Variants in NALF1 observed in about 807,000 individuals in gnomAD.
NALF1 encodes NALCN channel auxiliary factor 1.
NALF1 carries 3 observed loss-of-function variants against 48.4 expected under a neutral mutation model. The observed-to-expected ratio is 0.06, with a 90% CI of 0.03 to 0.16. The LOEUF (loss-of-function observed/expected upper bound fraction) is 0.16, where lower values mean the gene tolerates loss of function less well. NALF1 is among the 10% of genes least tolerant of loss of function. The pLI, the probability that NALF1 is intolerant of heterozygous loss-of-function variation, is 1.00. For missense variants in NALF1, 526 were observed against 571.5 expected (o/e 0.92, Z 0.81); for synonymous variants, 262 against 245.7 (o/e 1.07, Z -0.62).
intron 1 of NALF1, among the ~76,000 whole-genome samples, chr13:107,716,528 G>T (rs1594225073): frequency 6.6e-6 from 1 of 152,172 alleles, no homozygotes; most frequent in South Asian, 2.1e-4. Flanking sequence ...AGACAAATTT[G>T]TTGGGCCACT....
At chr13:107,553,239 C>T (rs1414779739) in intron 1 of NALF1, among the ~76,000 whole-genome samples, 1 of 152,108 alleles carries the variant, frequency 6.6e-6, no homozygotes, top group African/African-American at 2.4e-5. Flanking sequence ...GTTTATAACA[C>T]GTAACAAATC....
intron 1 of NALF1, among the ~76,000 whole-genome samples, chr13:107,314,858 T>A (rs558350577): frequency 1.6e-4 from 24 of 152,224 alleles, no homozygotes; most frequent in African/African-American, 5.5e-4. Flanking sequence ...AACTGACGAG[T>A]GAAAGCTCAC....
intron 1 of NALF1, among the ~76,000 whole-genome samples, chr13:107,425,195 A>G (rs1884258868): frequency 6.6e-6 from 1 of 152,206 alleles, no homozygotes; most frequent in Non-Finnish European, 1.5e-5. Context: ...GTTTGGAGCT[A>G]TGGGTTGAAG....
intron 1 of NALF1, among the ~76,000 whole-genome samples, chr13:107,290,218 C>A (rs9558999): frequency 0.45 from 66,948 of 149,252 alleles, 15,512 homozygotes; most frequent in African/African-American, 0.53. Flanking sequence ...CATTTTGCCA[C>A]AAATTATGTT....
At chr13:107,436,201 A>G (rs932032672) in intron 1 of NALF1, among the ~76,000 whole-genome samples, 1 of 152,224 alleles carries the variant, frequency 6.6e-6, no homozygotes, top group African/African-American at 2.4e-5. Flanking sequence ...GTTCTCAGAA[A>G]TAAGATTTGC....
chr13:107,631,650 G>A (rs1163488115), intron 1 of NALF1, among the ~76,000 whole-genome samples: 1 of 152,026 alleles, frequency 6.6e-6, no homozygotes, highest in Non-Finnish European at 1.5e-5. Flanking sequence ...AAAATCACTT[G>A]GCTGGCCAAT....
chr13:107,791,921 T>C (rs370475009), intron 1 of NALF1, among the ~76,000 whole-genome samples: 2 of 152,120 alleles, frequency 1.3e-5, no homozygotes, highest in African/African-American at 4.8e-5. Flanking sequence ...GATCAAACCA[T>C]TGTGCTCCAG....
intron 1 of NALF1, among the ~76,000 whole-genome samples, chr13:107,757,240 T>A (rs1409281619): frequency 1.3e-5 from 2 of 152,102 alleles, no homozygotes; most frequent in Admixed American, 6.5e-5. Flanking sequence ...CAACTCCATA[T>A]TAACATAAGG....
At chr13:107,840,114 T>C (rs941115568) in intron 1 of NALF1, among the ~76,000 whole-genome samples, 1 of 152,246 alleles carries the variant, frequency 6.6e-6, no homozygotes, top group Non-Finnish European at 1.5e-5. Flanking sequence ...TCCAGTCATT[T>C]CTTCACGCAT....
chr13:107,281,270 A>T (rs1881380458), intron 1 of NALF1, among the ~76,000 whole-genome samples: 1 of 152,242 alleles, frequency 6.6e-6, no homozygotes, highest in Non-Finnish European at 1.5e-5. Flanking sequence ...GACGATGATA[A>T]GTCCCATATG....
intron 1 of NALF1, among the ~76,000 whole-genome samples, chr13:107,217,524 C>A (rs1879897753): frequency 6.6e-6 from 1 of 152,126 alleles, no homozygotes; most frequent in South Asian, 2.1e-4. Context: ...ATCTTCATTA[C>A]CAATGCTGAT....
intron 1 of NALF1, among the ~76,000 whole-genome samples, chr13:107,272,858 A>G (rs1881204067): frequency 6.6e-6 from 1 of 152,206 alleles, no homozygotes; most frequent in Non-Finnish European, 1.5e-5. Context: ...AACTAAGGAA[A>G]GTCGGAGTCA....
chr13:107,848,230 A>G (rs1880221399), intron 1 of NALF1, among the ~76,000 whole-genome samples: 1 of 152,180 alleles, frequency 6.6e-6, no homozygotes, highest in Admixed American at 6.5e-5. Context: ...AAATGAGCAA[A>G]TTTGCACTAA....
rs996686158 is a variant in NALF1, at chr13:107,854,884, GA to G, written c.915+10797del. Among the ~76,000 whole-genome samples, 7 of 121,330 alleles carry G rather than the reference GA, an allele frequency of 5.8e-5. No homozygotes were observed. The East Asian group carries it at 1.6e-3, about 28-fold the overall frequency. The allele number at this position is 121,330 out of a possible 152,430, so 79.6% of individuals were successfully genotyped here. On this transcript the variant is annotated intron_variant, in intron 1 of 2. Transcript: ENST00000375915. Reference sequence around the variant, plus strand: ...GTTCCATCTCAAAAAAAAAAAAAAAGAAAAAAAGACCTATATGGAAACCTAC... The same window carrying G: ...GTTCCATCTCAAAAAAAAAAAAAAAGAAAAAAGACCTATATGGAAACCTAC...
At chr13:107,371,457 T>TG (rs1883247208) in intron 1 of NALF1, among the ~76,000 whole-genome samples, 1 of 96,244 alleles carries the variant, frequency 1.0e-5, no homozygotes, top group Non-Finnish European at 2.3e-5. Context: ...AAAATAAAAA[T>TG]AAAATAAATA....
intron 1 of NALF1, among the ~76,000 whole-genome samples, chr13:107,472,043 CA>C (rs1378115778): frequency 6.6e-6 from 1 of 152,168 alleles, no homozygotes; most frequent in African/African-American, 2.4e-5. Flanking sequence ...ATAAATACTT[CA>C]GATATAGCCA....
At chr13:107,847,108 T>A (rs1880192121) in intron 1 of NALF1, among the ~76,000 whole-genome samples, 1 of 152,156 alleles carries the variant, frequency 6.6e-6, no homozygotes, top group Non-Finnish European at 1.5e-5. Flanking sequence ...AAAAGAAAAC[T>A]TGAACATGAC....
intron 1 of NALF1, among the ~76,000 whole-genome samples, chr13:107,426,276 G>C (rs1397891586): frequency 6.6e-6 from 1 of 152,172 alleles, no homozygotes; most frequent in African/African-American, 2.4e-5. Flanking sequence ...TGTTAGGTGA[G>C]GTTGTAGAAT....
intron 1 of NALF1, among the ~76,000 whole-genome samples, chr13:107,252,138 G>A (rs1349415660): frequency 6.6e-6 from 1 of 152,158 alleles, no homozygotes; most frequent in Admixed American, 6.5e-5. Context: ...AGTGGGAGGT[G>A]GGCTTGGTGT....
Sources: gnomAD v4.1 joint callset for allele counts (sites outside exome capture counted in the v4.1 genomes callset) on GRCh38, gnomAD v4.1.1 for gene constraint, MANE v1.5 for transcripts, NCBI Gene and HGNC (gene_info 2026-07-23, HGNC 2026-07-21) for gene names.